ASIC2: variants seen among roughly 807,000 people sequenced by gnomAD.
ASIC2 encodes acid-sensing ion channel 2.
In ASIC2, 25 loss-of-function variants were observed where a neutral mutation model predicts 57.3. The observed-to-expected ratio is 0.44, with a 90% CI of 0.32 to 0.61. The LOEUF is 0.61. ASIC2 is among the 20% of genes least tolerant of loss of function. The probability of loss-of-function intolerance (pLI) is 0.06; values close to 1 mark genes in which losing one functional copy is unlikely to be tolerated. For missense variants in ASIC2, 641 were observed against 738.1 expected (o/e 0.87, Z 1.52); for synonymous variants, 319 against 307.5 (o/e 1.04, Z -0.39).
At chr17:33,133,538 G>A (rs572474946) in intron 1 of ASIC2, among the ~76,000 whole-genome samples, 1 of 152,300 alleles carries the variant, frequency 6.6e-6, no homozygotes, top group Non-Finnish European at 1.5e-5. Flanking sequence ...GGGAAACTTA[G>A]ACTCTCAGAA....
chr17:33,843,280 G>A (rs548633772), intron 1 of ASIC2, among the ~76,000 whole-genome samples: 1 of 152,248 alleles, frequency 6.6e-6, no homozygotes, highest in Non-Finnish European at 1.5e-5. Context: ...ATGAACATTG[G>A]GTGAGAAACG....
At chr17:33,980,898 CCT>C (rs1905590600) in intron 1 of ASIC2, 11 of 151,850 alleles carry the variant, frequency 7.2e-5, no homozygotes, top group Admixed American at 7.2e-4. Flanking sequence ...TCAGCTTCTC[CCT>C]CTGTCTAATC....
At chr17:33,111,448 G>A (rs891879548) in intron 2 of ASIC2, among the ~76,000 whole-genome samples, 3 of 152,198 alleles carry the variant, frequency 2.0e-5, no homozygotes, top group African/African-American at 7.2e-5. Flanking sequence ...CAAGGTGCCA[G>A]GTCCCTGAAC....
chr17:33,119,198 T>G lies in ASIC2; in HGVS notation c.709-7131A>C, dbSNP rs191279806. Among the ~76,000 whole-genome samples the G allele has an allele frequency of 2.4e-4, 36 of 152,314 alleles. 1 individual carries two copies. In the South Asian group the frequency reaches 3.9e-3, roughly 17 times the overall value. ...CATTAATCCTGACCTTTAGGGCTTC[T>G]TCTGGGTGATGGGTTTCTCATCTCT... On this transcript the variant is annotated intron_variant, in intron 1 of 9. Transcript: ENST00000225823.
At chr17:33,805,355 G>T (rs535025373) in intron 1 of ASIC2, among the ~76,000 whole-genome samples, 1 of 152,222 alleles carries the variant, frequency 6.6e-6, no homozygotes, top group East Asian at 1.9e-4. Flanking sequence ...CCCAAAGAAG[G>T]GGGAGTTTGG....
At chr17:33,931,844 G>C (rs1915936893) in intron 1 of ASIC2, among the ~76,000 whole-genome samples, 1 of 152,216 alleles carries the variant, frequency 6.6e-6, no homozygotes, top group South Asian at 2.1e-4. Flanking sequence ...ACTCAAAACT[G>C]CATGGGGAAT....
chr17:34,118,806 C>T (rs535037399), intron 1 of ASIC2: 1 of 152,366 alleles, frequency 6.6e-6, no homozygotes, highest in African/African-American at 2.4e-5. Context: ...GGCTCCAATC[C>T]AGGGAACGGG....
At chr17:34,007,744 A>G (rs1349883468) in intron 1 of ASIC2, among the ~76,000 whole-genome samples, 1 of 152,230 alleles carries the variant, frequency 6.6e-6, no homozygotes, top group Non-Finnish European at 1.5e-5. Context: ...ATGCATGTCC[A>G]AGAGCTGGCA....
intron 1 of ASIC2, among the ~76,000 whole-genome samples, chr17:33,472,688 G>T (rs974276603): frequency 6.6e-6 from 1 of 152,106 alleles, no homozygotes; most frequent in Non-Finnish European, 1.5e-5. Flanking sequence ...ATTACTCCAC[G>T]TTGGCTTCTG....
Position 33,291,873 on chromosome 17 carries a change from GC to G in ASIC2, c.242del (p.Gly81AlafsTer215), listed in dbSNP as rs1346675377. 1.2e-6 allele frequency: 2 copies of G among 1,607,094 alleles called. No individual in the cohort carries two copies. The highest frequency in any genetic ancestry group is 1.7e-4 in the Middle Eastern group (1 of 6,020). ...HMCAGRTAAG[G>X]SFQRRALWVL... ...CCCACAGCGCCCGCCGCTGGAAGGA[GC>G]CCCCAGCCGCCGTGCGCCCGGCACA... is the stretch of plus-strand genomic sequence containing the variant. On this transcript the variant is annotated frameshift_variant, in exon 1 of 10. Coordinates refer to ENST00000225823, the MANE Select transcript of ASIC2 (RefSeq NM_183377.2). LOFTEE classifies it high-confidence loss of function.
chr17:33,589,513 C>T (rs118119327), intron 1 of ASIC2, among the ~76,000 whole-genome samples: 511 of 152,224 alleles, frequency 3.4e-3, no homozygotes, highest in Non-Finnish European at 6.3e-3. Flanking sequence ...GTGCAGCAAA[C>T]ACTCCCCATT....
chr17:33,761,042 C>T (rs531609851), intron 1 of ASIC2, among the ~76,000 whole-genome samples: 1 of 152,144 alleles, frequency 6.6e-6, no homozygotes, highest in African/African-American at 2.4e-5. Context: ...CTAGACACAC[C>T]TGGATGAGTG....
chr17:33,032,440 GTTTTT>G (rs60183644), intron 3 of ASIC2, among the ~76,000 whole-genome samples: 6 of 94,116 alleles, frequency 6.4e-5, no homozygotes, highest in African/African-American at 4.7e-5. Flanking sequence ...ATAATACACT[GTTTTT>G]TTTTTTTTTT....
At chr17:33,135,036 A>G (rs2092362382) in intron 1 of ASIC2, among the ~76,000 whole-genome samples, 1 of 152,168 alleles carries the variant, frequency 6.6e-6, no homozygotes, top group South Asian at 2.1e-4. Flanking sequence ...ATAGATGAAG[A>G]CACTGTGACT....
chr17:33,320,786 C>A (rs189909829), intron 1 of ASIC2, among the ~76,000 whole-genome samples: 1 of 152,164 alleles, frequency 6.6e-6, no homozygotes, highest in Non-Finnish European at 1.5e-5. Flanking sequence ...TTTCTCTCCC[C>A]TGAAAATCCT....
chr17:33,070,069 A>G (rs1283274343), intron 3 of ASIC2, among the ~76,000 whole-genome samples: 1 of 152,220 alleles, frequency 6.6e-6, no homozygotes, highest in African/African-American at 2.4e-5. Context: ...TAGAGTTTAT[A>G]TATAAATCTT....
At chr17:33,042,613 C>A (rs951128887) in intron 3 of ASIC2, among the ~76,000 whole-genome samples, 2 of 152,186 alleles carry the variant, frequency 1.3e-5, no homozygotes, top group African/African-American at 4.8e-5. Context: ...CTGTTGGATA[C>A]CTGGTGAGAC....
At chr17:33,399,928 G>T (rs1910221123) in intron 1 of ASIC2, among the ~76,000 whole-genome samples, 1 of 152,152 alleles carries the variant, frequency 6.6e-6, no homozygotes. Flanking sequence ...GACAAGCCTG[G>T]GACCCTATCT....
chr17:33,377,568 AGAG>A (rs1250483582), intron 1 of ASIC2, among the ~76,000 whole-genome samples: 2 of 152,204 alleles, frequency 1.3e-5, no homozygotes, highest in East Asian at 3.9e-4. Context: ...CTCCAGGCAA[AGAG>A]GAGTACTTGT....
Sources: gnomAD v4.1 joint callset for allele counts (sites outside exome capture counted in the v4.1 genomes callset) on GRCh38, gnomAD v4.1.1 for gene constraint, MANE v1.5 for transcripts, NCBI Gene and HGNC (gene_info 2026-07-23, HGNC 2026-07-21) for gene names.